The following ADGRG7 variants were observed in gnomAD, a reference collection of about 807,000 sequenced individuals.
ADGRG7 encodes adhesion G protein-coupled receptor G7.
A neutral mutation model predicts 88.6 loss-of-function variants in ADGRG7; 82 were observed. That is an observed-to-expected ratio of 0.93 (90% CI 0.77 to 1.11). ADGRG7 has a LOEUF of 1.11. Ranked by LOEUF, ADGRG7 falls within the 50% of genes most tolerant of loss-of-function variation. The pLI is 0.00. For missense variants in ADGRG7, 945 were observed against 953.4 expected (o/e 0.99, Z 0.12); for synonymous variants, 381 against 345.2 (o/e 1.10, Z -1.15).
intron 15 of ADGRG7, among the ~76,000 whole-genome samples, chr3:100,688,223 G>A (rs1381370605): frequency 2.0e-5 from 3 of 152,068 alleles, no homozygotes; most frequent in Non-Finnish European, 2.9e-5. Flanking sequence ...CAGTGGTGAT[G>A]TCCCCTTTTC....
intron 1 of ADGRG7, among the ~76,000 whole-genome samples, chr3:100,621,062 C>T (rs1057123523): frequency 2.0e-5 from 3 of 151,956 alleles, no homozygotes; most frequent in Admixed American, 1.3e-4. Context: ...TGAACCACGT[C>T]CATGTAAAGA....
rs994745875 is a variant in ADGRG7, at chr3:100,645,942, T to C, written c.947-3T>C. 1 of 1,612,000 alleles carries C rather than the reference T, an allele frequency of 6.2e-7. No individual in the cohort carries two copies. Among genetic ancestry groups the C allele is most frequent in the African/African-American group, 1.3e-5 (1 of 74,660 alleles). The stretch of plus-strand genomic sequence containing the variant: ...TGATTTTAATGTCTTTTTCTCCCTA[T>C]AGATTACACCAAGACATGCGGCTTT... On this transcript the variant is annotated splice_region_variant and splice_polypyrimidine_tract_variant and intron_variant, in intron 8 of 15. Transcript: ENST00000273352.
intron 1 of ADGRG7, among the ~76,000 whole-genome samples, chr3:100,624,386 T>C (rs2149014673): frequency 6.6e-6 from 1 of 152,246 alleles, no homozygotes; most frequent in Admixed American, 6.5e-5. Context: ...TTTGATAGGA[T>C]TGTTTGTTTT....
chr3:100,685,960 A>C (rs1379779502), intron 15 of ADGRG7, among the ~76,000 whole-genome samples: 2 of 150,700 alleles, frequency 1.3e-5, no homozygotes, highest in Admixed American at 6.6e-5. Context: ...ACTGACTTCC[A>C]CAATGGTTGA....
At chr3:100,613,529 C>A (rs1161403829) in intron 1 of ADGRG7, among the ~76,000 whole-genome samples, 1 of 113,074 alleles carries the variant, frequency 8.8e-6, no homozygotes, top group African/African-American at 2.7e-5. Flanking sequence ...ACATAACCAC[C>A]CCCTAAATTA....
At chr3:100,689,513 C>T (rs1178015339) in intron 15 of ADGRG7, among the ~76,000 whole-genome samples, 7 of 152,132 alleles carry the variant, frequency 4.6e-5, no homozygotes, top group South Asian at 2.1e-4. Flanking sequence ...TGGCTGGTAC[C>T]GGTTATTCCT....
intron 14 of ADGRG7, among the ~76,000 whole-genome samples, chr3:100,661,702 A>G (rs1291596498): frequency 6.6e-6 from 1 of 152,238 alleles, no homozygotes; most frequent in African/African-American, 2.4e-5. Context: ...TACATGAATT[A>G]TACTCCAAAA....
At chr3:100,692,039 G>T (rs1274774166) in intron 15 of ADGRG7, among the ~76,000 whole-genome samples, 1 of 152,200 alleles carries the variant, frequency 6.6e-6, no homozygotes, top group Non-Finnish European at 1.5e-5. Flanking sequence ...ACAGTGTGAA[G>T]CTGGTGTCAT....
chr3:100,631,727 A>G (rs1306368104), intron 3 of ADGRG7, among the ~76,000 whole-genome samples: 1 of 152,134 alleles, frequency 6.6e-6, no homozygotes, highest in African/African-American at 2.4e-5. Flanking sequence ...TGTCAAGGGA[A>G]CTCTGAAGCA....
intron 1 of ADGRG7, among the ~76,000 whole-genome samples, chr3:100,617,747 G>C (rs564729823): frequency 2.5e-3 from 384 of 152,222 alleles, no homozygotes; most frequent in African/African-American, 9.0e-3. Flanking sequence ...GGATGGCTGG[G>C]TCAAATGGTA....
chr3:100,644,400 C>T (rs1707705004), intron 8 of ADGRG7, among the ~76,000 whole-genome samples: 2 of 152,172 alleles, frequency 1.3e-5, no homozygotes, highest in Non-Finnish European at 2.9e-5. Flanking sequence ...AGATCTAAGT[C>T]TTCTATCTTC....
intron 14 of ADGRG7, among the ~76,000 whole-genome samples, chr3:100,666,933 C>T (rs1144112): frequency 0.49 from 74,806 of 151,856 alleles, 20,360 homozygotes; most frequent in Middle Eastern, 0.66. Context: ...CTGAGTTTGA[C>T]GCAGCACATG....
chr3:100,639,683 C>T (rs1006358772), intron 6 of ADGRG7, among the ~76,000 whole-genome samples: 19 of 151,970 alleles, frequency 1.3e-4, no homozygotes, highest in African/African-American at 2.7e-4. Context: ...TCTTGCTAGA[C>T]GGGAGGAATG....
intron 11 of ADGRG7, among the ~76,000 whole-genome samples, chr3:100,650,173 T>C (rs2094926946): frequency 6.6e-6 from 1 of 152,206 alleles, no homozygotes; most frequent in Non-Finnish European, 1.5e-5. Context: ...AAAAAAGTAA[T>C]TTAAAAAATA....
At chr3:100,637,438 T>C (rs745314792) in intron 6 of ADGRG7, 36 bp downstream of exon 6, 9 of 1,421,092 alleles carry the variant, frequency 6.3e-6, no homozygotes, top group South Asian at 2.3e-5. Flanking sequence ...AAAACTTGAC[T>C]AAGGGCTGTT....
intron 14 of ADGRG7, among the ~76,000 whole-genome samples, chr3:100,668,470 G>A (rs2094954390): frequency 2.0e-5 from 3 of 152,122 alleles, no homozygotes. Flanking sequence ...TGTCCCACTG[G>A]CCAAAGTAAG....
chr3:100,679,993 G>T (rs2094970863), intron 15 of ADGRG7, among the ~76,000 whole-genome samples: 1 of 152,044 alleles, frequency 6.6e-6, no homozygotes, highest in Non-Finnish European at 1.5e-5. Flanking sequence ...TTCTAAAAAA[G>T]GTTGTGTCAA....
chr3:100,679,241 A>G (rs866403279), intron 15 of ADGRG7, among the ~76,000 whole-genome samples: 9 of 152,126 alleles, frequency 5.9e-5, no homozygotes, highest in Non-Finnish European at 8.8e-5. Context: ...TTCCATGGCT[A>G]CCACCACTTC....
chr3:100,615,708 T>C (rs1707215429), intron 1 of ADGRG7, among the ~76,000 whole-genome samples: 1 of 152,164 alleles, frequency 6.6e-6, no homozygotes, highest in South Asian at 2.1e-4. Context: ...AAATAAAATA[T>C]GAGAATAATT....
Sources: gnomAD v4.1 joint callset for allele counts (sites outside exome capture counted in the v4.1 genomes callset) on GRCh38, gnomAD v4.1.1 for gene constraint, MANE v1.5 for transcripts, NCBI Gene and HGNC (gene_info 2026-07-23, HGNC 2026-07-21) for gene names.